PTPRF: variants seen among roughly 807,000 people sequenced by gnomAD.
PTPRF encodes protein tyrosine phosphatase receptor type F, also known as receptor-type tyrosine-protein phosphatase F.
A neutral mutation model predicts 201.8 loss-of-function variants in PTPRF; 59 were observed. That is an observed-to-expected ratio of 0.29 (90% CI 0.24 to 0.36). The LOEUF (loss-of-function observed/expected upper bound fraction) is 0.36, where lower values mean the gene tolerates loss of function less well. Ranked by LOEUF, PTPRF falls within the 10% of genes least tolerant of loss-of-function variation. The pLI, the probability that PTPRF is intolerant of heterozygous loss-of-function variation, is 1.00. For missense variants in PTPRF, 2,132 were observed against 2,690.5 expected (o/e 0.79, Z 4.59); for synonymous variants, 1,088 against 1,089.7 (o/e 1.00, Z 0.03).
chr1:43,592,216 C>T (rs1352026632), intron 10 of PTPRF, among the ~76,000 whole-genome samples: 1 of 152,070 alleles, frequency 6.6e-6, no homozygotes, highest in African/African-American at 2.4e-5. Context: ...CTGGCAGAGC[C>T]CTGAAGTTTC....
intron 6 of PTPRF, 65 bp downstream of exon 6, chr1:43,569,843 G>A (rs1570101445): frequency 6.6e-7 from 1 of 1,507,008 alleles, no homozygotes; most frequent in Non-Finnish European, 8.9e-7. Context: ...TCAGATCCCA[G>A]CACAGCCTAC....
At chr1:43,583,111 C>T (rs1423198837) in intron 7 of PTPRF, 2 of 985,102 alleles carry the variant, frequency 2.0e-6, no homozygotes, top group African/African-American at 1.7e-5. Context: ...CTTTTCACTT[C>T]TTATCCATCT....
intron 22 of PTPRF, 46 bp from the exon 23 acceptor site, chr1:43,613,572 T>C (rs772252542): frequency 1.1e-5 from 16 of 1,499,774 alleles, no homozygotes; most frequent in Non-Finnish European, 1.5e-5. Context: ...GCCACACTGC[T>C]CAAGCCTCAC....
chr1:43,617,724 T>G lies in PTPRF; in HGVS notation c.4196-12T>G. 2 of 1,609,670 alleles carry G rather than the reference T, an allele frequency of 1.2e-6. No homozygotes were observed. The highest frequency in any genetic ancestry group is 1.7e-6 in the Non-Finnish European group (2 of 1,176,632). On this transcript the variant is annotated splice_polypyrimidine_tract_variant and intron_variant, in intron 24 of 33. Coordinates refer to ENST00000359947, the MANE Select transcript of PTPRF (RefSeq NM_002840.5). ...TGTAGTAATGCCCTCCCACCTCCTT[T>G]CTTATCCATAGGCGTCCCCGGGAGT... is the stretch of plus-strand genomic sequence containing the variant.
At chr1:43,611,098 TCTGAGC>T (rs1193313550) in intron 22 of PTPRF, among the ~76,000 whole-genome samples, 5 of 152,232 alleles carry the variant, frequency 3.3e-5, no homozygotes, top group Non-Finnish European at 7.3e-5. Context: ...ATGAGCCAGC[TCTGAGC>T]CTTGCTGTGG....
intron 8 of PTPRF, 122 bp downstream of exon 8, chr1:43,589,122 G>A: frequency 1.6e-6 from 2 of 1,247,346 alleles, no homozygotes; most frequent in Non-Finnish European, 2.1e-6. Flanking sequence ...CCCTTTCCTG[G>A]GTGTCCCTGC....
intron 5 of PTPRF, among the ~76,000 whole-genome samples, chr1:43,558,308 C>T (rs1182130218): frequency 6.6e-6 from 1 of 152,254 alleles, no homozygotes; most frequent in East Asian, 1.9e-4. Flanking sequence ...GCAGTCTGTT[C>T]TGTGCCCTCT....
chr1:43,543,599 C>T (rs1315038924), intron 2 of PTPRF, among the ~76,000 whole-genome samples: 2 of 152,206 alleles, frequency 1.3e-5, no homozygotes, highest in Non-Finnish European at 2.9e-5. Flanking sequence ...AACACCTTTG[C>T]TCAACTGCTG....
intron 7 of PTPRF, among the ~76,000 whole-genome samples, chr1:43,586,758 C>A (rs1649263558): frequency 6.6e-6 from 1 of 152,220 alleles, no homozygotes; most frequent in African/African-American, 2.4e-5. Context: ...CATCTTTGTT[C>A]TCAAGCAGCT....
chr1:43,592,294 C>T (rs1473090948), intron 10 of PTPRF, among the ~76,000 whole-genome samples, 163 bp from the exon 11 acceptor site: 3 of 152,142 alleles, frequency 2.0e-5, no homozygotes, highest in Non-Finnish European at 4.4e-5. Flanking sequence ...GTGGCATGGG[C>T]TAAGCCCTGA....
At chr1:43,610,551 G>A (rs1484074277) in intron 22 of PTPRF, among the ~76,000 whole-genome samples, 3 of 152,258 alleles carry the variant, frequency 2.0e-5, no homozygotes, top group Non-Finnish European at 2.9e-5. Flanking sequence ...ACTATGGCCC[G>A]TGGCCAAGTA....
At chr1:43,584,367 T>C (rs1384459606) in intron 7 of PTPRF, among the ~76,000 whole-genome samples, 1 of 152,176 alleles carries the variant, frequency 6.6e-6, no homozygotes, top group African/African-American at 2.4e-5. Flanking sequence ...GGCTCAGATA[T>C]CAGCCCTGAG....
chr1:43,622,480 A>T lies in PTPRF; in HGVS notation c.*477A>T, dbSNP rs1659419403. 2 of 151,516 alleles carry T rather than the reference A, an allele frequency of 1.3e-5. No homozygotes were observed. The highest frequency in any genetic ancestry group is 6.6e-5 in the Admixed American group (1 of 15,174). 9.4% of individuals were successfully genotyped at this position (151,516 alleles called of 1,614,324 possible). A position where few individuals can be genotyped will look rare whatever the true frequency, so the allele number is the denominator to read the frequency against. On this transcript the variant is annotated 3_prime_UTR_variant, in exon 34 of 34. Transcript: ENST00000359947. ...TTTCTTGAGTTCACTTTGGATCCTT[A>T]TTTTGTATGACTTCTGCTGAAGGAC...
chr1:43,554,853 C>CTCTTTTTTTTTTT lies in PTPRF; in HGVS notation c.379+913_379+914insCTTTTTTTTTTTT, dbSNP rs1645247075. On this transcript the variant is annotated intron_variant, in intron 5 of 33. Coordinates refer to ENST00000359947, the MANE Select transcript of PTPRF (RefSeq NM_002840.5). The surrounding 1 kb of genome is among the most constrained non-coding windows in gnomAD (Gnocchi z 4.1). ...TTGCTTTTTTTTCTTTTCTTTCTTTCTTTCTTTTTTTTTTTTTGAGATGCA... is the reference window on the plus strand; with the variant it reads ...TTGCTTTTTTTTCTTTTCTTTCTTTCTCTTTTTTTTTTTTTTCTTTTTTTTTTTTTGAGATGCA... 7.0e-6 allele frequency among the ~76,000 whole-genome samples: 1 copy of CTCTTTTTTTTTTT among 143,158 alleles called. No individual in the cohort carries two copies. The highest frequency in any genetic ancestry group is 2.8e-5 in the African/African-American group (1 of 35,618). 93.9% of individuals were successfully genotyped at this position (143,158 alleles called of 152,430 possible).
intron 7 of PTPRF, among the ~76,000 whole-genome samples, chr1:43,580,544 C>G (rs1057144572): frequency 1.3e-5 from 2 of 152,240 alleles, no homozygotes; most frequent in African/African-American, 4.8e-5. Context: ...GTCAGCTTGT[C>G]TGTCTTCAGG....
chr1:43,603,775 C>G lies in PTPRF; in HGVS notation c.2623C>G (p.Gln875Glu). ...CACCATAGATTTCGGCAAGGATGAC[C>G]AGCACTTCACAGTCACCGGCCTGCA... is the stretch of plus-strand genomic sequence containing the variant. Reference protein sequence around the residue: ...PNTIDFGKDDQHFTVTGLHKG... With the variant: ...PNTIDFGKDDEHFTVTGLHKG... The change falls in exon 16 of 34, where the codon CAG (glutamine) becomes GAG (glutamate). Residue 875 changes from glutamine (Q) to glutamate (E), a missense_variant. Around this residue, in one of 6 missense-constraint regions of PTPRF, gnomAD observed 818 missense variants for 915.3 expected, o/e 0.89. Transcript: ENST00000359947. This position sits in a 1 kb window ranked among gnomAD's most constrained non-coding sequence, Gnocchi z 5.8. 6.2e-7 allele frequency: 1 copy of G among 1,614,094 alleles called. No individual in the cohort carries two copies. The highest frequency in any genetic ancestry group is 8.5e-7 in the Non-Finnish European group (1 of 1,180,044).
intron 12 of PTPRF, chr1:43,598,498 C>A: frequency 1.8e-6 from 1 of 549,708 alleles, no homozygotes; most frequent in Non-Finnish European, 3.2e-6. Context: ...AAGTGAGAGG[C>A]CTGGGCCAGA....
chr1:43,593,211 T>G (rs1346427251), intron 11 of PTPRF, among the ~76,000 whole-genome samples: 1 of 152,072 alleles, frequency 6.6e-6, no homozygotes, highest in African/African-American at 2.4e-5. Context: ...GACTCTGGTG[T>G]TGTGTGTGAG....
At chr1:43,561,146 A>G (rs1645780804) in intron 5 of PTPRF, among the ~76,000 whole-genome samples, 1 of 152,124 alleles carries the variant, frequency 6.6e-6, no homozygotes, top group Non-Finnish European at 1.5e-5. Flanking sequence ...CCACTCCACA[A>G]CACAGTCCTT....
Sources: gnomAD v4.1 joint callset for allele counts (sites outside exome capture counted in the v4.1 genomes callset) on GRCh38, gnomAD v4.1.1 for gene constraint, gnomAD v4.1.1 regional missense constraint, Gnocchi (gnomAD v3.1) non-coding constraint, MANE v1.5 for transcripts, NCBI Gene and HGNC (gene_info 2026-07-23, HGNC 2026-07-21) for gene names.